SH3YL1: variants seen among roughly 807,000 people sequenced by gnomAD.
SH3YL1 encodes the protein SH3 and SYLF domain containing 1, also known as SH3 domain-containing YSC84-like protein 1.
SH3YL1 carries 41 observed loss-of-function variants against 45.8 expected under a neutral mutation model. The observed-to-expected ratio is 0.89, with a 90% CI of 0.70 to 1.16. The LOEUF (loss-of-function observed/expected upper bound fraction) is 1.16. Among genes scored for constraint, SH3YL1 ranks in the 50% most tolerant of loss-of-function variants. SH3YL1 has a pLI of 0.00. For synonymous variants in SH3YL1, 152 were observed against 151.4 expected (o/e 1.00, Z -0.03); for missense variants, 389 against 409.6 (o/e 0.95, Z 0.43).
chr2:240,761 CG>C (rs1558243141), intron 4 of SH3YL1: 2 of 152,218 alleles, frequency 1.3e-5, no homozygotes, highest in Non-Finnish European at 2.9e-5. Flanking sequence ...AGACAGGTCA[CG>C]GACAGGGACA....
chr2:253,811 G>A (rs958178432), intron 1 of SH3YL1, among the ~76,000 whole-genome samples: 3 of 152,038 alleles, frequency 2.0e-5, no homozygotes, highest in East Asian at 1.9e-4. Context: ...GGTCTGGATC[G>A]GGACCCCTTT....
intron 2 of SH3YL1, 51 bp from the exon 3 acceptor site, chr2:249,895 G>T: frequency 8.1e-7 from 1 of 1,238,046 alleles, no homozygotes; most frequent in South Asian, 1.3e-5. Flanking sequence ...CTATGTGCCT[G>T]GATAGACGAG....
intron 1 of SH3YL1, among the ~76,000 whole-genome samples, chr2:255,378 G>A (rs1669271006): frequency 6.6e-6 from 1 of 152,186 alleles, no homozygotes; most frequent in African/African-American, 2.4e-5. Context: ...AGGATCACTT[G>A]AGGCCAGGAG....
At chr2:242,754 C>T (rs1286855546) in intron 4 of SH3YL1, 1 of 1,476,074 alleles carries the variant, frequency 6.8e-7, no homozygotes, top group East Asian at 2.8e-5. Context: ...CAACAACATC[C>T]AATTATATGC....
At chr2:236,228 G>A (rs1668297380) in intron 4 of SH3YL1, among the ~76,000 whole-genome samples, 1 of 145,658 alleles carries the variant, frequency 6.9e-6, no homozygotes, top group Non-Finnish European at 1.5e-5. Flanking sequence ...AGCAGCATGG[G>A]CCAGGGGAGG....
chr2:238,600 G>C lies in SH3YL1; in HGVS notation c.292-4328C>G, dbSNP rs539592090. On this transcript the variant is annotated intron_variant, in intron 4 of 9. Coordinates refer to ENST00000356150, the MANE Select transcript of SH3YL1 (RefSeq NM_015677.4). ...GCTCTGGCTTGATGACCCAGTGTGA[G>C]CTCTAGCTCTGGAAACACAGCAAAG... Among the ~76,000 whole-genome samples the C allele has an allele frequency of 2.0e-5, 3 of 152,108 alleles. No individual in the cohort carries two copies. In the East Asian group the frequency reaches 5.8e-4, roughly 30 times the overall value.
At chr2:248,822 A>G (rs189657355) in intron 3 of SH3YL1, among the ~76,000 whole-genome samples, 198 of 152,298 alleles carry the variant, frequency 1.3e-3, no homozygotes, top group African/African-American at 4.7e-3. Context: ...GCTTGAGAAA[A>G]AGAGAATTAT....
intron 8 of SH3YL1, among the ~76,000 whole-genome samples, chr2:225,248 G>C (rs1430275152): frequency 1.3e-5 from 2 of 152,190 alleles, no homozygotes; most frequent in Non-Finnish European, 2.9e-5. Flanking sequence ...CTGATTCATG[G>C]AAGGATTTAC....
chr2:221,864 T>G (rs1667592190), intron 9 of SH3YL1, among the ~76,000 whole-genome samples: 1 of 152,206 alleles, frequency 6.6e-6, no homozygotes, highest in Non-Finnish European at 1.5e-5. Flanking sequence ...AGCCAGTTAG[T>G]GCTGTGCCCT....
In SH3YL1 at chr2:224,910, A is replaced by C. The variant is rs1295702960; in HGVS notation, c.792T>G (p.Asn264Lys). Residue 264 changes from asparagine to lysine, a missense_variant, in exon 9 of 10, where the codon AAT becomes AAG. Asn to Lys is a moderately conservative substitution (Grantham distance 94). Transcript: ENST00000356150. Reference protein sequence around the residue: ...QLNSGSQSNRNEYKLYPGLSS... With the variant: ...QLNSGSQSNRKEYKLYPGLSS... ...AAAGTCCAGGATAGAGCTTATATTC[A>C]TTTCTGTTACCTGCCAAAAAAGAGG... 6.2e-7 allele frequency: 1 copy of C among 1,611,288 alleles called. No individual in the cohort carries two copies. Among genetic ancestry groups the C allele is most frequent in the East Asian group, 2.2e-5 (1 of 44,814 alleles).
At chr2:259,767 T>C (rs1669507821) in intron 1 of SH3YL1, 1 of 150,294 alleles carries the variant, frequency 6.7e-6, no homozygotes. Context: ...TGAAATGATG[T>C]ATTGCATACT....
intron 4 of SH3YL1, chr2:242,709 T>C (rs1332913923): frequency 2.1e-6 from 3 of 1,414,106 alleles, no homozygotes; most frequent in Non-Finnish European, 2.8e-6. Context: ...AGGCAGAGAT[T>C]ATTAGCATGG....
At chr2:236,965 CAACTGTTCAT>C (rs1668332022) in intron 4 of SH3YL1, among the ~76,000 whole-genome samples, 1 of 152,128 alleles carries the variant, frequency 6.6e-6, no homozygotes, top group Non-Finnish European at 1.5e-5. Context: ...TGACGCTTGC[CAACTGTTCAT>C]TTTATTTTAC....
At chr2:222,973 C>T (rs779037238) in intron 9 of SH3YL1, 3 of 152,200 alleles carry the variant, frequency 2.0e-5, no homozygotes, top group South Asian at 2.1e-4. Flanking sequence ...AAAAAAATTC[C>T]GTAACGTAAA....
intron 4 of SH3YL1, chr2:242,941 T>C (rs1374196548): frequency 3.2e-5 from 31 of 968,668 alleles, no homozygotes; most frequent in Non-Finnish European, 4.4e-5. Context: ...AAATGGTCAA[T>C]CAACCAAAGA....
At chr2:253,381 A>C (rs1161095326) in intron 1 of SH3YL1, among the ~76,000 whole-genome samples, 1 of 152,176 alleles carries the variant, frequency 6.6e-6, no homozygotes, top group Admixed American at 6.5e-5. Context: ...CATGCAGTAA[A>C]GGAGCTGGCC....
chr2:228,490 T>A (rs542562503), intron 8 of SH3YL1, among the ~76,000 whole-genome samples: 2 of 152,340 alleles, frequency 1.3e-5, no homozygotes, highest in South Asian at 4.1e-4. Flanking sequence ...AGAATTTTTA[T>A]AAATGAGAGG....
intron 4 of SH3YL1, among the ~76,000 whole-genome samples, chr2:236,852 T>C (rs564092795): frequency 6.6e-5 from 10 of 152,308 alleles, no homozygotes; most frequent in Admixed American, 5.2e-4. Flanking sequence ...AGTATGTTCT[T>C]AATAATGTTC....
chr2:261,415 T>TA (rs1669586321), intron 1 of SH3YL1: 2 of 152,162 alleles, frequency 1.3e-5, no homozygotes, highest in African/African-American at 2.4e-5. Context: ...AAGTTTTTTC[T>TA]AAAAAAAGAG....
Sources: gnomAD v4.1 joint callset for allele counts (sites outside exome capture counted in the v4.1 genomes callset) on GRCh38, gnomAD v4.1.1 for gene constraint, MANE v1.5 for transcripts, NCBI Gene and HGNC (gene_info 2026-07-23, HGNC 2026-07-21) for gene names.